Variants in CBFA2T3 observed in about 807,000 individuals in gnomAD.
CBFA2T3 encodes CBFA2/RUNX1 partner transcriptional co-repressor 3.
A neutral mutation model predicts 58.6 loss-of-function variants in CBFA2T3; 31 were observed. The observed-to-expected ratio is 0.53, with a 90% CI of 0.40 to 0.71. CBFA2T3 has a LOEUF of 0.71. Ranked by LOEUF, CBFA2T3 falls within the 30% of genes least tolerant of loss-of-function variation. The probability of loss-of-function intolerance (pLI) is 0.00; values close to 1 mark genes in which losing one functional copy is unlikely to be tolerated. For missense variants in CBFA2T3, 1,076 were observed against 963.1 expected, an observed-to-expected ratio of 1.12 and a Z score of -1.55; for synonymous variants, 531 against 421.9, an observed-to-expected ratio of 1.26 and a Z score of -3.17.
At chr16:88,923,970 T>A (rs1273723611) in intron 1 of CBFA2T3, among the ~76,000 whole-genome samples, 1 of 152,144 alleles carries the variant, frequency 6.6e-6, no homozygotes, top group East Asian at 1.9e-4. Context: ...GATCTCATGC[T>A]GAGGGTGCAC....
intron 1 of CBFA2T3, among the ~76,000 whole-genome samples, chr16:88,923,117 G>A (rs549664085): frequency 1.3e-5 from 2 of 152,362 alleles, no homozygotes; most frequent in South Asian, 4.1e-4. Context: ...AATGTGGAGG[G>A]AGAGACGCGG....
chr16:88,914,014 C>T (rs965039463), intron 1 of CBFA2T3, among the ~76,000 whole-genome samples: 1 of 152,204 alleles, frequency 6.6e-6, no homozygotes, highest in Non-Finnish European at 1.5e-5. Context: ...ACTTCCTCAG[C>T]AAGCGTGCAC....
intron 1 of CBFA2T3, among the ~76,000 whole-genome samples, chr16:88,971,754 C>G (rs1205890973): frequency 6.6e-6 from 1 of 152,268 alleles, no homozygotes; most frequent in African/African-American, 2.4e-5. Flanking sequence ...TCCAGCTGCC[C>G]CTGGCCGACG....
chr16:88,887,694 C>T (rs1969437215), intron 5 of CBFA2T3, among the ~76,000 whole-genome samples: 2 of 152,178 alleles, frequency 1.3e-5, no homozygotes, highest in South Asian at 4.1e-4. Context: ...TCCTTCAAGG[C>T]AGTGTCCCCA....
chr16:88,954,099 ACTC>A (rs1972145912), intron 1 of CBFA2T3, among the ~76,000 whole-genome samples: 3 of 151,382 alleles, frequency 2.0e-5, no homozygotes, highest in Admixed American at 2.0e-4. Flanking sequence ...AGGAGCTCCC[ACTC>A]CTCCTCTGAA....
At chr16:88,942,355 A>C (rs1251449943) in intron 1 of CBFA2T3, among the ~76,000 whole-genome samples, 1 of 152,240 alleles carries the variant, frequency 6.6e-6, no homozygotes, top group Non-Finnish European at 1.5e-5. Context: ...ATTAGGAGAC[A>C]CAAGAGGCCA....
chr16:88,947,047 A>G (rs560665430), intron 1 of CBFA2T3, among the ~76,000 whole-genome samples: 39 of 152,366 alleles, frequency 2.6e-4, no homozygotes, highest in African/African-American at 9.4e-4. Flanking sequence ...CTAGACACAT[A>G]GAATGTAACA....
At position 88,876,355 on chromosome 16, in the gene CBFA2T3, C is replaced by A. The variant is rs1035042574; in HGVS notation, c.*621G>T. 7.0e-5 allele frequency: 16 copies of A among 228,986 alleles called. No homozygotes were observed. The highest frequency in any genetic ancestry group is 3.1e-4 in the African/African-American group (14 of 45,106). 14.2% of individuals were successfully genotyped at this position (228,986 alleles called of 1,614,324 possible). ...AAATCGAAATCTTTCCTCCCGTCTT[C>A]GCTGATCAGCCTCACGCCCCTGGGG... On this transcript the variant is annotated 3_prime_UTR_variant, in exon 12 of 12. Coordinates refer to ENST00000268679, the MANE Select transcript of CBFA2T3 (RefSeq NM_005187.6).
chr16:88,910,212 G>A (rs532219321), intron 1 of CBFA2T3, among the ~76,000 whole-genome samples: 1 of 152,308 alleles, frequency 6.6e-6, no homozygotes, highest in South Asian at 2.1e-4. Flanking sequence ...CCAGGTCCCC[G>A]CAAGTCTGCC....
intron 1 of CBFA2T3, among the ~76,000 whole-genome samples, chr16:88,934,312 C>A (rs1309797585): frequency 1.3e-5 from 2 of 152,258 alleles, no homozygotes; most frequent in African/African-American, 4.8e-5. Flanking sequence ...CCGACTTGGG[C>A]CCATAGGGGA....
intron 1 of CBFA2T3, among the ~76,000 whole-genome samples, chr16:88,936,503 G>A (rs1372521520): frequency 6.6e-6 from 1 of 151,868 alleles, no homozygotes; most frequent in Non-Finnish European, 1.5e-5. Context: ...CAGCCTCAGG[G>A]GCAGCCGAGT....
chr16:88,930,808 C>T (rs189122338), intron 1 of CBFA2T3, among the ~76,000 whole-genome samples: 285 of 6,096 alleles, frequency 0.047, 9 homozygotes, highest in Middle Eastern at 0.28. Flanking sequence ...AGACTGGGGG[C>T]TGGGGTGGAG....
rs969826109 is a variant in CBFA2T3, at chr16:88,886,220, G to C, written c.712-78C>G. ...CTCAGGTCCGAGCAGAGGGGGCCTGGGCTGGGTGGCCGAAAGCTCAACTTG... is the reference window on the plus strand; with the variant it reads ...CTCAGGTCCGAGCAGAGGGGGCCTGCGCTGGGTGGCCGAAAGCTCAACTTG... On this transcript the variant is annotated intron_variant, in intron 5 of 11. Coordinates refer to ENST00000268679, the MANE Select transcript of CBFA2T3 (RefSeq NM_005187.6). The C allele has an allele frequency of 1.1e-5, 12 of 1,123,012 alleles. No homozygotes were observed. In the African/African-American group the frequency reaches 1.9e-4, roughly 18 times the overall value. The allele number at this position is 1,123,012 out of a possible 1,614,324, so 69.6% of individuals were successfully genotyped here.
At position 88,901,625 on chromosome 16, in the gene CBFA2T3, C is replaced by T. The variant is rs762521713; in HGVS notation, c.183G>A (p.Ala61=). The T allele has an allele frequency of 9.8e-6, 15 of 1,528,602 alleles. No homozygotes were observed. The highest frequency in any genetic ancestry group is 9.0e-5 in the South Asian group (7 of 77,470). The allele number at this position is 1,528,602 out of a possible 1,614,324, so 94.7% of individuals were successfully genotyped here. Reference sequence around the variant, plus strand: ...TCACCTCCGCTGGGGAGTCCGGCATCGCTGAGGCCTTAGCTTTCCTGTCCA... The same window carrying T: ...TCACCTCCGCTGGGGAGTCCGGCATTGCTGAGGCCTTAGCTTTCCTGTCCA... ...APVDRKAKAS[A]MPDSPAEVKT... The change falls in exon 2 of 12, where the codon GCG becomes GCA. Residue 61 remains alanine (A), a synonymous_variant. Coordinates refer to ENST00000268679, the MANE Select transcript of CBFA2T3 (RefSeq NM_005187.6).
intron 3 of CBFA2T3, among the ~76,000 whole-genome samples, chr16:88,893,694 G>A (rs750997235): frequency 2.0e-5 from 3 of 152,228 alleles, no homozygotes; most frequent in African/African-American, 2.4e-5. Flanking sequence ...TGACTGCCTG[G>A]CTGGCCCTGC....
chr16:88,916,338 G>A (rs1306190695), intron 1 of CBFA2T3, among the ~76,000 whole-genome samples: 9 of 152,040 alleles, frequency 5.9e-5, no homozygotes, highest in African/African-American at 2.2e-4. Context: ...ATTCATGTGT[G>A]TGCATGGGTG....
At chr16:88,889,875 A>G (rs1250875863) in intron 5 of CBFA2T3, among the ~76,000 whole-genome samples, 1 of 118,184 alleles carries the variant, frequency 8.5e-6, no homozygotes, top group Non-Finnish European at 1.7e-5. Context: ...AAATCCCTGG[A>G]CGACGCCCCG....
rs1968985341 is a variant in CBFA2T3, at chr16:88,879,632, T to C, written c.1472-172A>G. On this transcript the variant is annotated intron_variant, in intron 10 of 11. Transcript: ENST00000268679. ...GGGGCTGTAGGCAGCTGAACACACG[T>C]AGCATCTGTGCACACACAGACACAC... 3 of 614,802 alleles carry C rather than the reference T, an allele frequency of 4.9e-6. No homozygotes were observed. The East Asian group carries it at 8.3e-5, about 17-fold the overall frequency. The allele number at this position is 614,802 out of a possible 1,614,324, so 38.1% of individuals were successfully genotyped here.
chr16:88,891,816 C>G, intron 5 of CBFA2T3, 66 bp downstream of exon 5: 2 of 1,127,362 alleles, frequency 1.8e-6, no homozygotes, highest in South Asian at 2.6e-5. Context: ...TCCACGCTGG[C>G]AAGGAGTGGG....
Sources: allele counts gnomAD v4.1 joint callset (sites outside exome capture counted in the v4.1 genomes callset), GRCh38; gene constraint gnomAD v4.1.1; transcripts MANE v1.5; gene names NCBI Gene and HGNC (gene_info 2026-07-23, HGNC 2026-07-21).